PCDHA4: variants seen among roughly 807,000 people sequenced by gnomAD.
PCDHA4 encodes protocadherin alpha-4.
Under a neutral mutation model 61.4 loss-of-function variants are expected in PCDHA4, and 49 were observed. The ratio of observed to expected loss-of-function variants is 0.80; its 90% CI spans 0.63 to 1.01. PCDHA4 has a LOEUF of 1.01. Among genes scored for constraint, PCDHA4 ranks in the 50% least tolerant of loss-of-function variants. PCDHA4 has a pLI of 0.00. For synonymous variants in PCDHA4, 590 were observed against 550.3 expected (o/e 1.07, Z -1.01); for missense variants, 1,254 against 1,235.8 (o/e 1.01, Z -0.22).
rs1554204607 is a variant in PCDHA4 at position 140,927,485 on chromosome 5, C to G, written c.2386-51464C>G. On this transcript the variant is annotated intron_variant, in intron 1 of 3. Transcript: ENST00000530339. ...GCACTGGATCGCGAACAGCGCGCCA[C>G]CCACCTGCTGGTGCTTACAGCTCGG... is the stretch of plus-strand genomic sequence containing the variant. The G allele has an allele frequency of 2.5e-6, 4 of 1,614,098 alleles. No individual in the cohort carries two copies. In the Admixed American group the frequency reaches 6.7e-5, roughly 27 times the overall value.
intron 1 of PCDHA4, chr5:140,828,790 G>T: frequency 6.2e-7 from 1 of 1,614,182 alleles, no homozygotes; most frequent in Non-Finnish European, 8.5e-7. Flanking sequence ...TCACAGTGCT[G>T]GATGTGAATG....
intron 1 of PCDHA4, chr5:140,882,151 G>C (rs529033742): frequency 6.7e-7 from 1 of 1,503,572 alleles, no homozygotes; most frequent in African/African-American, 1.4e-5. Flanking sequence ...AGCAGAAAGC[G>C]GAATACCTCT....
intron 1 of PCDHA4, among the ~76,000 whole-genome samples, chr5:140,872,278 AAAGTT>A (rs2053578296): frequency 6.6e-6 from 1 of 152,138 alleles, no homozygotes; most frequent in Non-Finnish European, 1.5e-5. Context: ...TTTGAAGAAA[AAAGTT>A]AAGCCTTGCA....
rs1386939569 is a variant in PCDHA4 at position 140,856,853 on chromosome 5, G to C, written c.2385+47281G>C. The C allele has an allele frequency of 6.9e-6, 11 of 1,594,152 alleles. 1 individual carries two copies. The highest frequency in any genetic ancestry group is 9.4e-6 in the Non-Finnish European group (11 of 1,164,260). ...AATACGGCTCAACGCTTCTGATTCG[G>C]ATGAAGGAATAAACAAGGAAATGAT... On this transcript the variant is annotated intron_variant, in intron 1 of 3. Coordinates refer to ENST00000530339, the MANE Select transcript of PCDHA4 (RefSeq NM_018907.4).
chr5:140,821,222 T>C (rs1048981208), intron 1 of PCDHA4, among the ~76,000 whole-genome samples: 4 of 152,180 alleles, frequency 2.6e-5, no homozygotes, highest in Non-Finnish European at 5.9e-5. Flanking sequence ...TATGTTTAAA[T>C]AGAGATGAGA....
At chr5:140,932,880 AT>A (rs1219080024) in intron 1 of PCDHA4, among the ~76,000 whole-genome samples, 2 of 151,952 alleles carry the variant, frequency 1.3e-5, no homozygotes, top group Non-Finnish European at 2.9e-5. Context: ...TGTCTTCAAT[AT>A]TTTCAGTTAG....
chr5:140,815,973 G>A (rs1466366404), intron 1 of PCDHA4: 4 of 152,142 alleles, frequency 2.6e-5, no homozygotes, highest in African/African-American at 4.8e-5. Flanking sequence ...TCTTTTGTAC[G>A]TGATGAGGCA....
chr5:140,916,142 T>C (rs868910993), intron 1 of PCDHA4, among the ~76,000 whole-genome samples: 2 of 151,944 alleles, frequency 1.3e-5, no homozygotes, highest in African/African-American at 4.8e-5. Context: ...GGCTGTTCAG[T>C]TGTGTTGTGG....
rs78358581 is a variant in PCDHA4 at position 140,924,264 on chromosome 5, T to G, written c.2386-54685T>G. 2.9e-3 allele frequency among the ~76,000 whole-genome samples: 442 copies of G among 152,342 alleles called. 1 individual carries two copies. Among genetic ancestry groups the G allele is most frequent in the African/African-American group, 0.01 (423 of 41,584 alleles). On this transcript the variant is annotated intron_variant, in intron 1 of 3. Coordinates refer to ENST00000530339, the MANE Select transcript of PCDHA4 (RefSeq NM_018907.4). Reference sequence around the variant, plus strand: ...TGCATCCTGGTGAGATCTAATGAGGTCTGTACTTGTGACTACCTAATAGGC... The same window carrying G: ...TGCATCCTGGTGAGATCTAATGAGGGCTGTACTTGTGACTACCTAATAGGC...
At chr5:140,967,784 C>T in intron 1 of PCDHA4, 3 of 1,614,174 alleles carry the variant, frequency 1.9e-6, no homozygotes, top group South Asian at 1.1e-5. Context: ...GGCGACTGAC[C>T]GGGGTCCAGT....
At chr5:140,915,716 C>T (rs2077274657) in intron 1 of PCDHA4, among the ~76,000 whole-genome samples, 1 of 152,024 alleles carries the variant, frequency 6.6e-6, no homozygotes, top group East Asian at 1.9e-4. Context: ...GTGGCCCCCA[C>T]TTTGGATTGT....
intron 1 of PCDHA4, chr5:140,813,284 A>T (rs1332732538): frequency 6.6e-6 from 1 of 152,192 alleles, no homozygotes; most frequent in South Asian, 2.1e-4. Context: ...TGAGAATTGT[A>T]TCATTCTGAG....
chr5:140,989,253 G>C (rs886150768), intron 3 of PCDHA4, among the ~76,000 whole-genome samples: 1 of 152,194 alleles, frequency 6.6e-6, no homozygotes, highest in Non-Finnish European at 1.5e-5. Flanking sequence ...CTTGTCAAAA[G>C]GGAGATTCAA....
intron 1 of PCDHA4, chr5:140,928,983 G>T: frequency 6.2e-7 from 1 of 1,613,838 alleles, no homozygotes; most frequent in Non-Finnish European, 8.5e-7. Flanking sequence ...TATTTCTGGG[G>T]TGCTTACTTT....
At chr5:140,965,861 T>C (rs971753310) in intron 1 of PCDHA4, among the ~76,000 whole-genome samples, 3 of 152,192 alleles carry the variant, frequency 2.0e-5, no homozygotes, top group African/African-American at 7.2e-5. Flanking sequence ...ACACTGAAAA[T>C]AAGGGCCACT....
intron 1 of PCDHA4, chr5:140,815,112 T>A (rs1554126680): frequency 6.6e-6 from 1 of 152,168 alleles, no homozygotes; most frequent in African/African-American, 2.4e-5. Context: ...AGTTAGCATA[T>A]AATTGGGTCT....
chr5:140,985,346 A>G (rs2097147411), intron 3 of PCDHA4, among the ~76,000 whole-genome samples: 1 of 152,186 alleles, frequency 6.6e-6, no homozygotes, highest in African/African-American at 2.4e-5. Flanking sequence ...GCAGGCCCAG[A>G]TATAGACCCT....
chr5:140,868,895 G>A (rs782646284), intron 1 of PCDHA4: 198 of 777,068 alleles, frequency 2.5e-4, no homozygotes, highest in Admixed American at 3.7e-4. Flanking sequence ...TAGGCGCAAG[G>A]TGTCGCTCTT....
intron 1 of PCDHA4, chr5:140,857,668 C>T (rs1319713687): frequency 6.3e-7 from 1 of 1,596,856 alleles, no homozygotes. Flanking sequence ...GCGATGGGGG[C>T]GTGCCGCCTC....
Sources: gnomAD v4.1 joint callset for allele counts (sites outside exome capture counted in the v4.1 genomes callset) on GRCh38, gnomAD v4.1.1 for gene constraint, MANE v1.5 for transcripts, NCBI Gene and HGNC (gene_info 2026-07-23, HGNC 2026-07-21) for gene names.